Variants in SCHIP1 observed in about 807,000 individuals in gnomAD.
The protein encoded by SCHIP1 is schwannomin interacting protein 1, also known as schwannomin-interacting protein 1.
SCHIP1 carries 8 observed loss-of-function variants against 29.7 expected under a neutral mutation model. The observed-to-expected ratio is 0.27, with a 90% CI of 0.16 to 0.49. SCHIP1 has a LOEUF of 0.49. SCHIP1 is among the 20% of genes least tolerant of loss of function. The pLI, the probability that SCHIP1 is intolerant of heterozygous loss-of-function variation, is 0.99. For missense variants in SCHIP1, 193 were observed against 294.6 expected, an observed-to-expected ratio of 0.66 and a Z score of 2.52; for synonymous variants, 76 against 94.9, an observed-to-expected ratio of 0.80 and a Z score of 1.16.
chr3:159,887,775 T>C (rs1577496539), exon 4 of SCHIP1: 4 of 1,613,926 alleles, frequency 2.5e-6, no homozygotes, highest in East Asian at 2.2e-5. Flanking sequence ...TTGGATGACA[T>C]GGACTTCCTT....
chr3:159,850,162 A>C (rs999389071), intron 1 of SCHIP1, among the ~76,000 whole-genome samples: 18 of 152,206 alleles, frequency 1.2e-4, no homozygotes, highest in Non-Finnish European at 2.5e-4. Flanking sequence ...ATGCGACAAT[A>C]CGTGCTGGGT....
At chr3:159,339,639 T>A in the SCHIP1 span, among the ~76,000 whole-genome samples, 1 of 152,208 alleles carries the variant, frequency 6.6e-6, no homozygotes, top group Non-Finnish European at 1.5e-5. Context: ...CATTGACTTA[T>A]TTAACAGATG....
the SCHIP1 span, among the ~76,000 whole-genome samples, chr3:159,373,051 AT>A: frequency 6.6e-6 from 1 of 151,786 alleles, no homozygotes; most frequent in South Asian, 2.1e-4. Context: ...TTTGTTTTTA[AT>A]TTTTCTGAAA....
intron 1 of SCHIP1, among the ~76,000 whole-genome samples, chr3:159,846,355 T>C (rs9846145): frequency 0.24 from 35,840 of 152,072 alleles, 5,961 homozygotes; most frequent in African/African-American, 0.48. Flanking sequence ...TTAAGTAGTA[T>C]ATCATGATAT....
At chr3:159,563,493 G>A in the SCHIP1 span, among the ~76,000 whole-genome samples, 28 of 152,006 alleles carry the variant, frequency 1.8e-4, no homozygotes, top group Non-Finnish European at 3.4e-4. Context: ...TATAAATACA[G>A]GTAATATATG....
chr3:159,378,514 CA>C, the SCHIP1 span, among the ~76,000 whole-genome samples: 1 of 152,176 alleles, frequency 6.6e-6, no homozygotes, highest in East Asian at 1.9e-4. Flanking sequence ...ATCGCACAGA[CA>C]AAAGCTCTTT....
the SCHIP1 span, among the ~76,000 whole-genome samples, chr3:159,730,751 C>T: frequency 6.6e-6 from 1 of 152,120 alleles, no homozygotes; most frequent in South Asian, 2.1e-4. Flanking sequence ...TATTTGACCA[C>T]AGCAAAAGGG....
chr3:159,896,611 T>A, intron 6 of SCHIP1, 112 bp from the exon 8 acceptor site: 1 of 1,052,428 alleles, frequency 9.5e-7, no homozygotes, highest in Non-Finnish European at 1.3e-6. Flanking sequence ...TTCTAATCTA[T>A]TTCACTGTCA....
At chr3:159,849,931 G>A (rs898954872) in intron 1 of SCHIP1, among the ~76,000 whole-genome samples, 3 of 152,166 alleles carry the variant, frequency 2.0e-5, no homozygotes, top group East Asian at 1.9e-4. Flanking sequence ...TGCGCTTATC[G>A]TGTGCAAGGC....
the SCHIP1 span, among the ~76,000 whole-genome samples, chr3:159,724,006 A>G: frequency 6.6e-6 from 1 of 152,226 alleles, no homozygotes; most frequent in African/African-American, 2.4e-5. Context: ...CCAAATTGCT[A>G]CCTGGAAGAG....
chr3:159,814,101 C>G, the SCHIP1 span, among the ~76,000 whole-genome samples: 4 of 152,302 alleles, frequency 2.6e-5, no homozygotes, highest in South Asian at 8.3e-4. Flanking sequence ...TCAGCTGAGA[C>G]CCTCTTCGGG....
upstream of SCHIP1, among the ~76,000 whole-genome samples, chr3:159,839,163 C>G (rs1205757850): frequency 6.6e-6 from 1 of 151,858 alleles, no homozygotes; most frequent in African/African-American, 2.4e-5. Flanking sequence ...GTATTGTCCG[C>G]AAGTCCAGAA....
At chr3:159,543,166 T>C in the SCHIP1 span, among the ~76,000 whole-genome samples, 1 of 151,438 alleles carries the variant, frequency 6.6e-6, no homozygotes, top group Non-Finnish European at 1.5e-5. Context: ...TTTAATGTCA[T>C]TGAATAGAAT....
At chr3:159,294,184 T>C in the SCHIP1 span, among the ~76,000 whole-genome samples, 2 of 152,312 alleles carry the variant, frequency 1.3e-5, no homozygotes, top group South Asian at 4.1e-4. Flanking sequence ...GTATGATGGC[T>C]TCATGTGCTA....
chr3:159,486,835 A>C, the SCHIP1 span, among the ~76,000 whole-genome samples: 1 of 152,236 alleles, frequency 6.6e-6, no homozygotes, highest in African/African-American at 2.4e-5. Context: ...CTGTGCAAAC[A>C]CATTCCATAT....
the SCHIP1 span, among the ~76,000 whole-genome samples, chr3:159,632,221 C>T: frequency 7.8e-4 from 119 of 152,188 alleles, no homozygotes; most frequent in African/African-American, 2.6e-3. Flanking sequence ...AGCCTGAATC[C>T]GGATTATTGT....
chr3:159,778,711 A>G, the SCHIP1 span, among the ~76,000 whole-genome samples: 1 of 152,190 alleles, frequency 6.6e-6, no homozygotes, highest in Non-Finnish European at 1.5e-5. Context: ...TATATTTGCT[A>G]TGTAAATGCT....
At chr3:159,696,740 A>G in the SCHIP1 span, among the ~76,000 whole-genome samples, 1 of 152,200 alleles carries the variant, frequency 6.6e-6, no homozygotes, top group Non-Finnish European at 1.5e-5. Flanking sequence ...AACACAATCC[A>G]GGAGGTCAGG....
the SCHIP1 span, among the ~76,000 whole-genome samples, chr3:159,626,446 GC>G: frequency 6.6e-6 from 1 of 151,688 alleles, no homozygotes; most frequent in Non-Finnish European, 1.5e-5. Flanking sequence ...AGTCCTTCCT[GC>G]CCATGTTTCT....
Sources: allele counts gnomAD v4.1 joint callset (sites outside exome capture counted in the v4.1 genomes callset), GRCh38; gene constraint gnomAD v4.1.1; transcripts MANE v1.5; gene names NCBI Gene and HGNC (gene_info 2026-07-23, HGNC 2026-07-21).